KCNIP1: variants seen among roughly 807,000 people sequenced by gnomAD.
KCNIP1 encodes the protein A-type potassium channel modulatory protein KCNIP1.
KCNIP1 carries 18 observed loss-of-function variants against 33.0 expected under a neutral mutation model. The ratio of observed to expected loss-of-function variants is 0.55; its 90% CI spans 0.38 to 0.81. KCNIP1 has a LOEUF of 0.81. KCNIP1 is among the 30% of genes least tolerant of loss of function. The pLI is 0.00. For missense variants in KCNIP1, 238 were observed against 271.6 expected, an observed-to-expected ratio of 0.88 and a Z score of 0.87; for synonymous variants, 93 against 98.3, an observed-to-expected ratio of 0.95 and a Z score of 0.32.
intron 1 of KCNIP1, among the ~76,000 whole-genome samples, chr5:170,530,428 G>A (rs907268626): frequency 1.3e-5 from 2 of 152,194 alleles, no homozygotes; most frequent in Non-Finnish European, 2.9e-5. Context: ...GGGAGTCAAG[G>A]AGGTGAAATG....
intron 1 of KCNIP1, among the ~76,000 whole-genome samples, chr5:170,579,465 C>T (rs2113512766): frequency 6.6e-6 from 1 of 152,230 alleles, no homozygotes; most frequent in Non-Finnish European, 1.5e-5. Flanking sequence ...TGGCCCTGCC[C>T]CTCTACTTTT....
rs1754638522 is a variant in KCNIP1, at chr5:170,504,684, G to A, written c.61+51G>A. ...CCCTGTCTGGGCTTGGGGGTGCTAG[G>A]CGCCGAGGTGGGCTGTGCCACCTGC... On this transcript the variant is annotated intron_variant, in intron 1 of 7. Transcript: ENST00000328939. The surrounding 1 kb of genome is among the most constrained non-coding windows in gnomAD (Gnocchi z 6.0). 1 of 1,516,548 alleles carries A rather than the reference G, an allele frequency of 6.6e-7. No homozygotes were observed. The highest frequency in any genetic ancestry group is 1.4e-5 in the African/African-American group (1 of 73,076). 93.9% of individuals were successfully genotyped at this position (1,516,548 alleles called of 1,614,324 possible).
At chr5:170,635,177 C>T (rs538917655) in intron 1 of KCNIP1, among the ~76,000 whole-genome samples, 2 of 152,262 alleles carry the variant, frequency 1.3e-5, no homozygotes, top group African/African-American at 4.8e-5. Context: ...TTACAGGCAC[C>T]CACCACCACA....
At chr5:170,642,750 T>C (rs976191889) in intron 1 of KCNIP1, among the ~76,000 whole-genome samples, 18 of 152,210 alleles carry the variant, frequency 1.2e-4, no homozygotes, top group African/African-American at 3.4e-4. Flanking sequence ...AGGGTAAACC[T>C]GGGAGAGTTG....
chr5:170,653,033 A>G (rs1322699494), intron 1 of KCNIP1, among the ~76,000 whole-genome samples: 4 of 152,314 alleles, frequency 2.6e-5, no homozygotes, highest in African/African-American at 9.6e-5. Context: ...GGAATGAGAG[A>G]GCACACAGCT....
intron 1 of KCNIP1, among the ~76,000 whole-genome samples, chr5:170,407,617 A>G (rs1755070802): frequency 6.6e-6 from 1 of 152,200 alleles, no homozygotes; most frequent in African/African-American, 2.4e-5. Context: ...GCATTGCCCT[A>G]CAGTATTTAT....
intron 1 of KCNIP1, among the ~76,000 whole-genome samples, chr5:170,430,415 G>T (rs114416554): frequency 4.1e-4 from 63 of 152,196 alleles, no homozygotes; most frequent in Non-Finnish European, 6.9e-4. Flanking sequence ...TGTTCTACTT[G>T]CCCAGCATTC....
At chr5:170,467,786 C>T (rs1002732095) in intron 1 of KCNIP1, among the ~76,000 whole-genome samples, 4 of 151,890 alleles carry the variant, frequency 2.6e-5, no homozygotes, top group South Asian at 2.1e-4. Flanking sequence ...GGTGTGTTGG[C>T]GCCTGTCTGT....
At chr5:170,447,493 T>G (rs1013764933) in intron 1 of KCNIP1, among the ~76,000 whole-genome samples, 1 of 152,136 alleles carries the variant, frequency 6.6e-6, no homozygotes, top group Non-Finnish European at 1.5e-5. Context: ...AAGTTCTGAC[T>G]TGAAGAATTA....
chr5:170,470,083 C>T (rs1182714664), intron 1 of KCNIP1, among the ~76,000 whole-genome samples: 2 of 152,214 alleles, frequency 1.3e-5, no homozygotes, highest in East Asian at 3.9e-4. Flanking sequence ...TCTGAGCTGT[C>T]GCCCCATTCC....
intron 1 of KCNIP1, among the ~76,000 whole-genome samples, chr5:170,579,234 A>G (rs1193811330): frequency 1.3e-5 from 2 of 152,220 alleles, no homozygotes; most frequent in Admixed American, 6.5e-5. Context: ...TCCTACATCT[A>G]GATGTAATGG....
At chr5:170,569,360 C>A (rs987625094) in intron 1 of KCNIP1, among the ~76,000 whole-genome samples, 1 of 152,224 alleles carries the variant, frequency 6.6e-6, no homozygotes, top group South Asian at 2.1e-4. Context: ...AACATGAATT[C>A]TTTTTGACAC....
Position 170,604,656 on chromosome 5 carries a change from TATG to T in KCNIP1, c.61+100024_61+100026del, listed in dbSNP as rs537696559. Among the ~76,000 whole-genome samples the T allele has an allele frequency of 1.8e-3, 270 of 152,218 alleles. 1 individual carries two copies. Among genetic ancestry groups the T allele is most frequent in the African/African-American group, 5.9e-3 (245 of 41,536 alleles). ...GGTCCTATTCCCTGCTCACTCCTGG[TATG>T]TAGTGGAAGCTGGAGAGCCTTTGTC... is the stretch of plus-strand genomic sequence containing the variant. On this transcript the variant is annotated intron_variant, in intron 1 of 7. Transcript: ENST00000328939.
chr5:170,578,386 G>A (rs539220069), intron 1 of KCNIP1, among the ~76,000 whole-genome samples: 32 of 152,298 alleles, frequency 2.1e-4, no homozygotes, highest in African/African-American at 7.7e-4. Flanking sequence ...TGGGAGTGGG[G>A]GAACTGGCCT....
chr5:170,696,002 G>A (rs1762878868), intron 1 of KCNIP1, among the ~76,000 whole-genome samples: 1 of 139,676 alleles, frequency 7.2e-6, no homozygotes, highest in Non-Finnish European at 1.6e-5. Flanking sequence ...CTGGGACAGA[G>A]CAAGACTCTG....
intron 1 of KCNIP1, among the ~76,000 whole-genome samples, chr5:170,547,833 C>T (rs574071284): frequency 1.1e-4 from 17 of 152,238 alleles, no homozygotes; most frequent in Admixed American, 2.6e-4. Flanking sequence ...AATGAACATA[C>T]GCGTGCAGCT....
intron 1 of KCNIP1, among the ~76,000 whole-genome samples, chr5:170,549,788 C>T (rs940940143): frequency 6.6e-6 from 1 of 152,108 alleles, no homozygotes; most frequent in Non-Finnish European, 1.5e-5. Context: ...TTATTTGACT[C>T]GGTGTTTTCA....
At chr5:170,678,519 C>T (rs1762222974) in intron 1 of KCNIP1, 1 of 152,168 alleles carries the variant, frequency 6.6e-6, no homozygotes, top group Admixed American at 6.5e-5. Context: ...AACAGCAAAG[C>T]AGACAGTGGG....
intron 1 of KCNIP1, among the ~76,000 whole-genome samples, chr5:170,647,222 T>A (rs1386114163): frequency 6.6e-6 from 1 of 152,206 alleles, no homozygotes; most frequent in Non-Finnish European, 1.5e-5. Context: ...CCAGCCAAAA[T>A]TATTGGTTAT....
Sources: gnomAD v4.1 joint callset for allele counts (sites outside exome capture counted in the v4.1 genomes callset) on GRCh38, gnomAD v4.1.1 for gene constraint, Gnocchi (gnomAD v3.1) non-coding constraint, MANE v1.5 for transcripts, NCBI Gene and HGNC (gene_info 2026-07-23, HGNC 2026-07-21) for gene names.